The following KCTD2 variants were observed in gnomAD, a reference collection of about 807,000 sequenced individuals.
KCTD2 encodes the protein potassium channel tetramerization domain containing 2.
A neutral mutation model predicts 27.9 loss-of-function variants in KCTD2; 18 were observed. The observed-to-expected ratio is 0.64, with a 90% CI of 0.45 to 0.96. The LOEUF is 0.96. Ranked by LOEUF, KCTD2 falls within the 40% of genes least tolerant of loss-of-function variation. The pLI is 0.00. For synonymous variants in KCTD2, 175 were observed against 148.4 expected, an observed-to-expected ratio of 1.18 and a Z score of -1.30; for missense variants, 280 against 348.0, an observed-to-expected ratio of 0.80 and a Z score of 1.56.
intron 2 of KCTD2, among the ~76,000 whole-genome samples, chr17:75,050,541 G>A (rs2144927328): frequency 6.6e-6 from 1 of 152,162 alleles, no homozygotes; most frequent in Non-Finnish European, 1.5e-5. Flanking sequence ...GGGATTACAG[G>A]CCTGAGCCTC....
chr17:75,034,508 T>C (rs2040095881), intron 2 of KCTD2, among the ~76,000 whole-genome samples: 1 of 152,092 alleles, frequency 6.6e-6, no homozygotes, highest in African/African-American at 2.4e-5. Context: ...TGGGGCGCGG[T>C]AAGACGCTAA....
In KCTD2 at chr17:75,058,283, T is replaced by C. The variant is rs541156129; in HGVS notation, c.541-1227T>C. On this transcript the variant is annotated intron_variant, in intron 3 of 5. Transcript: ENST00000322444. The stretch of plus-strand genomic sequence containing the variant: ...CGGAGATTGCAGTGAGCTGAGATGG[T>C]GCCATTGCACTCCAGCCTGGGCGAC... Among the ~76,000 whole-genome samples the C allele has an allele frequency of 1.4e-4, 20 of 146,748 alleles. No homozygotes were observed. In the South Asian group the frequency reaches 4.3e-3, roughly 32 times the overall value.
At chr17:75,034,467 T>TG (rs2040094935) in intron 2 of KCTD2, among the ~76,000 whole-genome samples, 1 of 152,198 alleles carries the variant, frequency 6.6e-6, no homozygotes, top group Non-Finnish European at 1.5e-5. Context: ...ATCCCTGGCT[T>TG]AGGAGGCCAG....
At chr17:75,034,549 A>G (rs1266087361) in intron 2 of KCTD2, among the ~76,000 whole-genome samples, 1 of 152,168 alleles carries the variant, frequency 6.6e-6, no homozygotes, top group East Asian at 1.9e-4. Context: ...GTGTTCAACC[A>G]TAGTGCCCAA....
chr17:75,042,679 A>G, upstream of KCTD2: 1 of 1,587,816 alleles, frequency 6.3e-7, no homozygotes, highest in South Asian at 1.2e-5. Flanking sequence ...AAGTCAAATA[A>G]AAACAAGGCT....
At chr17:75,060,513 C>T (rs539611891) in intron 4 of KCTD2, 4 of 1,612,496 alleles carry the variant, frequency 2.5e-6, no homozygotes, top group Non-Finnish European at 2.5e-6. Flanking sequence ...AGCGCGACAG[C>T]CAAGACCAGC....
chr17:75,042,065 C>G, intron 3 of KCTD2: 2 of 886,108 alleles, frequency 2.3e-6, no homozygotes, highest in South Asian at 3.5e-5. Context: ...CATACGCATC[C>G]TTCCTAAGCT....
intron 2 of KCTD2, among the ~76,000 whole-genome samples, chr17:75,051,701 G>T (rs2073289946): frequency 6.6e-6 from 1 of 151,442 alleles, no homozygotes; most frequent in Non-Finnish European, 1.5e-5. Context: ...ATAGATTGCA[G>T]ATTTCACCCC....
chr17:75,037,345 GAAAAA>G (rs56310455), intron 3 of KCTD2, among the ~76,000 whole-genome samples: 4 of 84,708 alleles, frequency 4.7e-5, no homozygotes, highest in African/African-American at 7.0e-5. Flanking sequence ...TTCCATATCA[GAAAAA>G]AAAAAAAAAA....
chr17:75,035,303 A>T (rs1390498205), exon 3 of KCTD2: 3 of 152,108 alleles, frequency 2.0e-5, no homozygotes, highest in Non-Finnish European at 4.4e-5. Flanking sequence ...GCTTCTGTCC[A>T]ATCAGGCTTT....
At chr17:75,047,766 C>A (rs900379490) in intron 1 of KCTD2, among the ~76,000 whole-genome samples, 177 bp downstream of exon 1, 1 of 152,138 alleles carries the variant, frequency 6.6e-6, no homozygotes, top group Non-Finnish European at 1.5e-5. Context: ...CACTCCCCTT[C>A]TTCCATGCTG....
intron 3 of KCTD2, among the ~76,000 whole-genome samples, chr17:75,038,293 C>A (rs1414897600): frequency 6.6e-6 from 1 of 151,996 alleles, no homozygotes; most frequent in Non-Finnish European, 1.5e-5. Context: ...CCCCGCCCCA[C>A]CACCACGCCT....
chr17:75,051,445 T>C (rs1006188689), intron 2 of KCTD2, among the ~76,000 whole-genome samples: 7 of 151,780 alleles, frequency 4.6e-5, no homozygotes, highest in Non-Finnish European at 1.0e-4. Context: ...CCACCACGCC[T>C]GGCTAATTTT....
chr17:75,053,565 C>T (rs900994417), intron 3 of KCTD2, among the ~76,000 whole-genome samples: 2 of 152,096 alleles, frequency 1.3e-5, no homozygotes, highest in African/African-American at 2.4e-5. Flanking sequence ...CTCAGCCTCC[C>T]GTGTAGCTGG....
rs886426590 is a variant in KCTD2 at position 75,059,622 on chromosome 17, A to G, written c.636+17A>G. 1 of 1,599,778 alleles carries G rather than the reference A, an allele frequency of 6.3e-7. No individual in the cohort carries two copies. Among genetic ancestry groups the G allele is most frequent in the African/African-American group, 1.3e-5 (1 of 74,620 alleles). On this transcript the variant is annotated intron_variant, in intron 4 of 5. Transcript: ENST00000322444. ...TTCGAACAGGTACATCTCTTAACAG[A>G]GCAGCAATCCCAGGCCCCGTTCAAG...
At chr17:75,035,151 T>TC (rs1736293984) in intron 2 of KCTD2, 1 of 152,060 alleles carries the variant, frequency 6.6e-6, no homozygotes. Context: ...TGACTTCGGA[T>TC]CAGAAGATTG....
chr17:75,053,163 C>T, intron 3 of KCTD2, 58 bp downstream of exon 3: 1 of 1,368,594 alleles, frequency 7.3e-7, no homozygotes, highest in African/African-American at 1.4e-5. Context: ...GTCGGTCGGT[C>T]TGTGATTTGA....
chr17:75,038,761 G>A (rs1401302646), intron 3 of KCTD2: 5 of 717,798 alleles, frequency 7.0e-6, no homozygotes, highest in South Asian at 4.6e-5. Context: ...CAAACCTGTC[G>A]AGGCTCACCT....
upstream of KCTD2, among the ~76,000 whole-genome samples, chr17:75,043,602 ACT>A (rs1470562947): frequency 3.7e-5 from 5 of 135,570 alleles, no homozygotes; most frequent in African/African-American, 1.5e-4. Context: ...ACAGAGTGAG[ACT>A]CTGTCTCAAA....
Sources: allele counts gnomAD v4.1 joint callset (sites outside exome capture counted in the v4.1 genomes callset), GRCh38; gene constraint gnomAD v4.1.1; transcripts MANE v1.5; gene names NCBI Gene and HGNC (gene_info 2026-07-23, HGNC 2026-07-21).